PARN: variants seen among roughly 807,000 people sequenced by gnomAD.
PARN encodes poly(A)-specific ribonuclease PARN.
Under a neutral mutation model 102.8 loss-of-function variants are expected in PARN, and 71 were observed. The observed-to-expected ratio is 0.69, with a 90% confidence interval of 0.57 to 0.84. The LOEUF (loss-of-function observed/expected upper bound fraction) is 0.84, where lower values mean the gene tolerates loss of function less well. Among genes scored for constraint, PARN ranks in the 40% least tolerant of loss-of-function variants. The pLI is 0.00. For synonymous variants in PARN, 261 were observed against 252.9 expected (o/e 1.03, Z -0.30); for missense variants, 782 against 760.9 (o/e 1.03, Z -0.33).
chr16:14,495,177 A>G (rs969736192), intron 21 of PARN, among the ~76,000 whole-genome samples: 2 of 152,086 alleles, frequency 1.3e-5, no homozygotes, highest in Non-Finnish European at 2.9e-5. Flanking sequence ...GGGATTTAAG[A>G]AAACATTGCT....
chr16:14,535,622 C>T (rs1463677460), intron 21 of PARN, among the ~76,000 whole-genome samples: 1 of 152,068 alleles, frequency 6.6e-6, no homozygotes, highest in East Asian at 1.9e-4. Flanking sequence ...AGTTAGTTCC[C>T]CCTTATCTAT....
chr16:14,440,164 T>C (rs1567280510), intron 23 of PARN, among the ~76,000 whole-genome samples: 1 of 151,438 alleles, frequency 6.6e-6, no homozygotes, highest in Admixed American at 6.6e-5. Flanking sequence ...AGTCAGAAAA[T>C]AAACAACCCT....
At chr16:14,598,316 T>A (rs1970651886) in intron 12 of PARN, among the ~76,000 whole-genome samples, 1 of 152,118 alleles carries the variant, frequency 6.6e-6, no homozygotes, top group Non-Finnish European at 1.5e-5. Context: ...ATGTTATGAA[T>A]ATTCTGTAGA....
intron 8 of PARN, among the ~76,000 whole-genome samples, 173 bp from the exon 9 acceptor site, chr16:14,608,492 T>C (rs1301324985): frequency 6.6e-6 from 1 of 152,202 alleles, no homozygotes; most frequent in African/African-American, 2.4e-5. Flanking sequence ...CCTCATCACT[T>C]GTCTTCTAAA....
At chr16:14,625,061 C>T (rs1419300049) in intron 5 of PARN, among the ~76,000 whole-genome samples, 1 of 152,016 alleles carries the variant, frequency 6.6e-6, no homozygotes, top group Non-Finnish European at 1.5e-5. Flanking sequence ...CATTGCCACC[C>T]TCTGCTTTTG....
At chr16:14,577,492 C>A (rs996090191) in intron 18 of PARN, among the ~76,000 whole-genome samples, 1 of 151,148 alleles carries the variant, frequency 6.6e-6, no homozygotes, top group African/African-American at 2.4e-5. Flanking sequence ...TGCCCCTACA[C>A]CCACCTAATT....
At chr16:14,512,993 C>G (rs984730875) in intron 21 of PARN, among the ~76,000 whole-genome samples, 1 of 152,170 alleles carries the variant, frequency 6.6e-6, no homozygotes. Context: ...GTGATCTTGG[C>G]TCACTGTTGC....
chr16:14,599,903 C>A lies in PARN; in HGVS notation c.840+1G>T, dbSNP rs748802052. 6.3e-7 allele frequency: 1 copy of A among 1,595,488 alleles called. No individual in the cohort carries two copies. Among genetic ancestry groups the A allele is most frequent in the Non-Finnish European group, 8.6e-7 (1 of 1,168,218 alleles). On this transcript the variant is annotated splice_donor_variant, in intron 12 of 23. Coordinates refer to ENST00000437198, the MANE Select transcript of PARN (RefSeq NM_002582.4). LOFTEE classifies it high-confidence loss of function. Reference sequence around the variant, plus strand: ...CTTGCTAAAAAGTCTGGCTCACTTACCGAATTAGCAATGGCGTGAATGACT... The same window carrying A: ...CTTGCTAAAAAGTCTGGCTCACTTAACGAATTAGCAATGGCGTGAATGACT...
chr16:14,449,185 A>T (rs1961336870), intron 22 of PARN, among the ~76,000 whole-genome samples: 1 of 152,224 alleles, frequency 6.6e-6, no homozygotes, highest in African/African-American at 2.4e-5. Context: ...GGCATTAAAA[A>T]TACTCTGTGA....
intron 21 of PARN, among the ~76,000 whole-genome samples, chr16:14,492,011 A>C (rs1327156551): frequency 1.3e-5 from 2 of 152,250 alleles, no homozygotes; most frequent in Admixed American, 6.5e-5. Flanking sequence ...CTGGGCAGGA[A>C]ACAGGCCACC....
intron 18 of PARN, among the ~76,000 whole-genome samples, chr16:14,570,706 C>G (rs886416255): frequency 3.4e-5 from 5 of 148,306 alleles, no homozygotes; most frequent in Admixed American, 2.0e-4. Flanking sequence ...GGCTGGGCAC[C>G]GTGGCTCATG....
At chr16:14,453,847 G>C (rs545375296) in intron 22 of PARN, among the ~76,000 whole-genome samples, 17 of 152,086 alleles carry the variant, frequency 1.1e-4, no homozygotes, top group African/African-American at 3.6e-4. Flanking sequence ...CCAACTATTT[G>C]TCATTACAAA....
At chr16:14,615,291 CTTCTT>C (rs1329031427) in intron 6 of PARN, among the ~76,000 whole-genome samples, 1 of 148,680 alleles carries the variant, frequency 6.7e-6, no homozygotes, top group African/African-American at 2.5e-5. Context: ...GGCTGTTTCT[CTTCTT>C]TTATGGGAAA....
At chr16:14,463,329 A>AGGTAAAATTTATAATATAT (rs539262382) in intron 22 of PARN, among the ~76,000 whole-genome samples, 1 of 152,258 alleles carries the variant, frequency 6.6e-6, no homozygotes, top group Non-Finnish European at 1.5e-5. Context: ...GTACACCACA[A>AGGTAAAATTTATAATATAT]GGTAAAATTT....
At chr16:14,547,196 T>C (rs1280366197) in intron 21 of PARN, among the ~76,000 whole-genome samples, 1 of 152,000 alleles carries the variant, frequency 6.6e-6, no homozygotes, top group Admixed American at 6.6e-5. Context: ...AGTCCCACAC[T>C]GGCCATGTAC....
intron 6 of PARN, among the ~76,000 whole-genome samples, chr16:14,617,067 GT>G (rs1326789638): frequency 9.7e-4 from 129 of 132,324 alleles, no homozygotes; most frequent in Admixed American, 4.0e-3. Flanking sequence ...TATGTTTTTT[GT>G]TTTTTTTTAA....
At chr16:14,624,162 G>T (rs1326384076) in intron 5 of PARN, among the ~76,000 whole-genome samples, 1 of 152,114 alleles carries the variant, frequency 6.6e-6, no homozygotes, top group East Asian at 1.9e-4. Context: ...TTAAATTGTT[G>T]TATCCTCAAA....
At chr16:14,556,994 G>C (rs1967730307) in intron 18 of PARN, among the ~76,000 whole-genome samples, 1 of 151,872 alleles carries the variant, frequency 6.6e-6, no homozygotes, top group Admixed American at 6.6e-5. Context: ...TTCCAAAATG[G>C]GTACAAAGGC....
chr16:14,514,038 A>G (rs181198411), intron 21 of PARN, among the ~76,000 whole-genome samples: 11 of 152,332 alleles, frequency 7.2e-5, no homozygotes, highest in Admixed American at 3.9e-4. Context: ...CACAGGGGAC[A>G]TATCATGAAC....
Sources: allele counts gnomAD v4.1 joint callset (sites outside exome capture counted in the v4.1 genomes callset), GRCh38; gene constraint gnomAD v4.1.1; transcripts MANE v1.5; gene names NCBI Gene and HGNC (gene_info 2026-07-23, HGNC 2026-07-21).